ITPKB: variants seen among roughly 807,000 people sequenced by gnomAD.
The protein encoded by ITPKB is inositol-trisphosphate 3-kinase B.
In ITPKB, 13 loss-of-function variants were observed where a neutral mutation model predicts 69.4. That is an observed-to-expected ratio of 0.19 (90% confidence interval 0.12 to 0.30). The LOEUF (loss-of-function observed/expected upper bound fraction) is 0.30, where lower values mean the gene tolerates loss of function less well. ITPKB is among the 10% of genes least tolerant of loss of function. ITPKB has a pLI of 1.00. For synonymous variants in ITPKB, 584 were observed against 513.7 expected (o/e 1.14, Z -1.85); for missense variants, 1,240 against 1,250.5 (o/e 0.99, Z 0.13).
chr1:226,658,598 T>C (rs1383570564), intron 2 of ITPKB, among the ~76,000 whole-genome samples: 1 of 152,160 alleles, frequency 6.6e-6, no homozygotes, highest in Non-Finnish European at 1.5e-5. Flanking sequence ...AAATGCCAAA[T>C]GCAAAAGCAC....
rs766941679 is a variant in ITPKB, at chr1:226,736,945, C to T, written c.514G>A (p.Ala172Thr). Residue 172 changes from alanine (A) to threonine (T), a missense_variant, in exon 2 of 8, where the codon GCT becomes ACT. Coordinates refer to ENST00000429204, the MANE Select transcript of ITPKB (RefSeq NM_002221.4). ...AAGGGGCACGGGGAGGGCGAGCGAG[C>T]CCTGCCCAAACGCGGGCTGCGGGGC... ...QAPRSPRLGRARSPSPCPFRS... is the reference protein window; with the variant it reads ...QAPRSPRLGRTRSPSPCPFRS... 14 of 1,611,434 alleles carry T rather than the reference C, an allele frequency of 8.7e-6. No individual in the cohort carries two copies. In the South Asian group the frequency reaches 1.3e-4, roughly 15 times the overall value.
chr1:226,692,180 C>T (rs925033013), intron 2 of ITPKB, among the ~76,000 whole-genome samples: 3 of 152,194 alleles, frequency 2.0e-5, no homozygotes, highest in African/African-American at 7.2e-5. Flanking sequence ...TAGGATTCAA[C>T]TCTAAGTCAT....
In ITPKB at chr1:226,638,300, G is replaced by A. The variant is rs1055357328; in HGVS notation, c.2554-550C>T. On this transcript the variant is annotated intron_variant, in intron 6 of 7. Coordinates refer to ENST00000429204, the MANE Select transcript of ITPKB (RefSeq NM_002221.4). ...TCAGGAATTGGAGGACTTGGGCTACGAAAGAGTCAGGCACATTCCCCCTGC... is the reference window on the plus strand; with the variant it reads ...TCAGGAATTGGAGGACTTGGGCTACAAAAGAGTCAGGCACATTCCCCCTGC... Among the ~76,000 whole-genome samples the A allele has an allele frequency of 2.0e-5, 3 of 152,346 alleles. No individual in the cohort carries two copies. The East Asian group carries it at 5.8e-4, about 29-fold the overall frequency.
intron 2 of ITPKB, among the ~76,000 whole-genome samples, chr1:226,703,552 G>A (rs1046977286): frequency 6.6e-6 from 1 of 152,138 alleles, no homozygotes; most frequent in Admixed American, 6.5e-5. Flanking sequence ...CCCACGCGCG[G>A]AAGCCCGCGG....
chr1:226,711,793 G>A (rs896214431), intron 2 of ITPKB, among the ~76,000 whole-genome samples: 1 of 152,048 alleles, frequency 6.6e-6, no homozygotes. Flanking sequence ...CCTCACCACC[G>A]TGTCCATCCC....
At chr1:226,670,175 C>CA (rs35767912) in intron 2 of ITPKB, among the ~76,000 whole-genome samples, 5,986 of 31,660 alleles carry the variant, frequency 0.19, 1,202 homozygotes, top group Middle Eastern at 0.32. Flanking sequence ...AGCTCCGCCG[C>CA]AAAAAAAAAA....
At position 226,711,440 on chromosome 1, in the gene ITPKB, AGAGTGT is replaced by A. The variant is rs1356715337; in HGVS notation, c.1932+24081_1932+24086del. Among the ~76,000 whole-genome samples, 440 of 95,502 alleles carry A rather than the reference AGAGTGT, an allele frequency of 4.6e-3. 1 individual carries two copies. The highest frequency in any genetic ancestry group is 8.6e-3 in the South Asian group (26 of 3,006). 62.7% of individuals were successfully genotyped at this position (95,502 alleles called of 152,430 possible). A position where few individuals can be genotyped will look rare whatever the true frequency, so the allele number is the denominator to read the frequency against. ...GAGAGAGAGAGAGAGAGAGAGAGAG[AGAGTGT>A]GTGTGTGTGTGTGTGTGTGTGTTGT... On this transcript the variant is annotated intron_variant, in intron 2 of 7. Transcript: ENST00000429204.
Position 226,737,496 on chromosome 1 carries a change from G to A in ITPKB, c.-38C>T, listed in dbSNP as rs1307677620. ...CGCGCTGCCCGCCGCCGCGGCTCCC[G>A]CTCCTGCTCCGCCGCCGGCGCCTCC... On this transcript the variant is annotated 5_prime_UTR_variant, in exon 2 of 8. Coordinates refer to ENST00000429204, the MANE Select transcript of ITPKB (RefSeq NM_002221.4). 2.7e-6 allele frequency: 4 copies of A among 1,481,492 alleles called. No homozygotes were observed. The highest frequency in any genetic ancestry group is 1.5e-5 in the African/African-American group (1 of 68,962). The allele number at this position is 1,481,492 out of a possible 1,614,324, so 91.8% of individuals were successfully genotyped here.
intron 2 of ITPKB, among the ~76,000 whole-genome samples, chr1:226,684,293 C>T (rs1481165927): frequency 3.9e-5 from 6 of 152,158 alleles, no homozygotes; most frequent in Admixed American, 3.9e-4. Flanking sequence ...CATCTGTTAC[C>T]AGATACTCAC....
intron 2 of ITPKB, among the ~76,000 whole-genome samples, chr1:226,713,278 C>T (rs1657017750): frequency 6.6e-6 from 1 of 152,190 alleles, no homozygotes; most frequent in African/African-American, 2.4e-5. Context: ...TGTCCCCTTC[C>T]TCCCACTCCC....
At position 226,661,188 on chromosome 1, in the gene ITPKB, A is replaced by G. The variant is rs149123406; in HGVS notation, c.1933-12417T>C. Among the ~76,000 whole-genome samples, 3 of 152,356 alleles carry G rather than the reference A, an allele frequency of 2.0e-5. No homozygotes were observed. In the East Asian group the frequency reaches 5.8e-4, roughly 29 times the overall value. ...GAACAGCTTCCTGGTCTGGGGAGCT[A>G]GAGTTGCTTAATCCTTCCTTTATAG... is the stretch of plus-strand genomic sequence containing the variant. On this transcript the variant is annotated intron_variant, in intron 2 of 7. Coordinates refer to ENST00000429204, the MANE Select transcript of ITPKB (RefSeq NM_002221.4).
intron 2 of ITPKB, among the ~76,000 whole-genome samples, chr1:226,682,346 T>C (rs1348772139): frequency 6.6e-6 from 1 of 152,132 alleles, no homozygotes; most frequent in Non-Finnish European, 1.5e-5. Context: ...TCATTCAGGG[T>C]TCTTGAGAAC....
At chr1:226,638,838 A>G (rs1423503747) in intron 6 of ITPKB, among the ~76,000 whole-genome samples, 1 of 151,870 alleles carries the variant, frequency 6.6e-6, no homozygotes, top group Admixed American at 6.6e-5. Context: ...CACCTGGCAG[A>G]CGGCGGGCAC....
At chr1:226,681,172 G>T (rs1420293395) in intron 2 of ITPKB, among the ~76,000 whole-genome samples, 1 of 152,086 alleles carries the variant, frequency 6.6e-6, no homozygotes, top group African/African-American at 2.4e-5. Flanking sequence ...CCTAACGTGG[G>T]GTGCTTCTCA....
chr1:226,716,821 G>C (rs1237666644), intron 2 of ITPKB, among the ~76,000 whole-genome samples: 5 of 152,218 alleles, frequency 3.3e-5, no homozygotes, highest in Non-Finnish European at 7.3e-5. Flanking sequence ...GTCTCCATGA[G>C]ATGATTTCCA....
At position 226,633,291 on chromosome 1, in the gene ITPKB, C is replaced by T. The variant is rs1344061271; in HGVS notation, c.*1380G>A. On this transcript the variant is annotated 3_prime_UTR_variant, in exon 8 of 8. Coordinates refer to ENST00000429204, the MANE Select transcript of ITPKB (RefSeq NM_002221.4). The stretch of plus-strand genomic sequence containing the variant: ...AGACACACACACCTTGGTCCATAGT[C>T]TCCCTCTGTGTCCCTAGCTCCTGGA... The T allele has an allele frequency of 6.6e-6, 1 of 152,232 alleles. No individual in the cohort carries two copies. The highest frequency in any genetic ancestry group is 1.5e-5 in the Non-Finnish European group (1 of 68,080). The allele number at this position is 152,232 out of a possible 1,614,324, so 9.4% of individuals were successfully genotyped here. A position where few individuals can be genotyped will look rare whatever the true frequency, so the allele number is the denominator to read the frequency against.
In ITPKB at chr1:226,692,119, T is replaced by C. The variant is rs60932168; in HGVS notation, c.1933-43348A>G. ...TTCAAAACCCTGTAACTTTCAAGTT[T>C]TATACATGAGGAAATGGAAGAAATT... is the stretch of plus-strand genomic sequence containing the variant. On this transcript the variant is annotated intron_variant, in intron 2 of 7. Transcript: ENST00000429204. 8.9e-3 allele frequency among the ~76,000 whole-genome samples: 1,353 copies of C among 152,306 alleles called. 58 individuals are homozygous for C. The highest frequency in any genetic ancestry group is 0.059 in the Admixed American group (910 of 15,304).
Position 226,735,983 on chromosome 1 carries a change from C to T in ITPKB, c.1476G>A (p.Gln492=). The change falls in exon 2 of 8, where the codon CAG becomes CAA. Residue 492 remains glutamine (Q), a synonymous_variant. Coordinates refer to ENST00000429204, the MANE Select transcript of ITPKB (RefSeq NM_002221.4). Reference sequence around the variant, plus strand: ...CACCCACCCTGTCCCCAGGAGGGCACTGAGGTTCTTTCAGATCTTTCGCAG... The same window carrying T: ...CACCCACCCTGTCCCCAGGAGGGCATTGAGGTTCTTTCAGATCTTTCGCAG... ...WDAAKDLKEP[Q]CPPGDRVGVQ... is the part of the protein sequence containing the mutation. The T allele has an allele frequency of 6.2e-7, 1 of 1,614,004 alleles. No homozygotes were observed. Among genetic ancestry groups the T allele is most frequent in the South Asian group, 1.1e-5 (1 of 91,086 alleles).
chr1:226,661,054 C>A (rs562173198), intron 2 of ITPKB, among the ~76,000 whole-genome samples: 2 of 152,376 alleles, frequency 1.3e-5, no homozygotes, highest in East Asian at 1.9e-4. Flanking sequence ...ACAATTGGCA[C>A]TGAAGTTCTG....
Sources: gnomAD v4.1 joint callset for allele counts (sites outside exome capture counted in the v4.1 genomes callset) on GRCh38, gnomAD v4.1.1 for gene constraint, MANE v1.5 for transcripts, NCBI Gene and HGNC (gene_info 2026-07-23, HGNC 2026-07-21) for gene names.